The following TMEM132D variants were observed in gnomAD, a reference collection of about 807,000 sequenced individuals.
TMEM132D encodes mature OL transmembrane protein.
TMEM132D carries 21 observed loss-of-function variants against 62.3 expected under a neutral mutation model. The ratio of observed to expected loss-of-function variants is 0.34; its 90% CI spans 0.24 to 0.49. The LOEUF is 0.49. TMEM132D is among the 20% of genes least tolerant of loss of function. The pLI, the probability that TMEM132D is intolerant of heterozygous loss-of-function variation, is 0.99. For synonymous variants in TMEM132D, 621 were observed against 575.6 expected (o/e 1.08, Z -1.13); for missense variants, 1,346 against 1,402.8 (o/e 0.96, Z 0.65).
chr12:129,862,410 G>C (rs748673567), intron 1 of TMEM132D, among the ~76,000 whole-genome samples: 3 of 152,242 alleles, frequency 2.0e-5, no homozygotes, highest in Non-Finnish European at 4.4e-5. Flanking sequence ...TTTCCAGGGG[G>C]CTGTGTGTTT....
At chr12:129,791,211 C>G (rs544402272) in intron 1 of TMEM132D, among the ~76,000 whole-genome samples, 2 of 152,250 alleles carry the variant, frequency 1.3e-5, no homozygotes, top group East Asian at 3.9e-4. Flanking sequence ...ATCAGCAGGT[C>G]CTATCTCATT....
At chr12:129,850,163 C>T (rs190646279) in intron 1 of TMEM132D, among the ~76,000 whole-genome samples, 1,870 of 152,272 alleles carry the variant, frequency 0.012, 40 homozygotes, top group African/African-American at 0.042. Flanking sequence ...TGGTGGATCT[C>T]TCTCTCTCCT....
At chr12:129,260,807 C>T (rs1288836214) in intron 4 of TMEM132D, among the ~76,000 whole-genome samples, 2 of 147,840 alleles carry the variant, frequency 1.4e-5, no homozygotes, top group Non-Finnish European at 3.0e-5. Flanking sequence ...AGAATAATGG[C>T]CTCCAGCTCC....
chr12:129,501,596 C>T (rs185165846), intron 3 of TMEM132D, among the ~76,000 whole-genome samples: 1 of 151,976 alleles, frequency 6.6e-6, no homozygotes, highest in East Asian at 1.9e-4. Flanking sequence ...CCTTGACGTC[C>T]CTAACTCAAG....
chr12:129,074,114 C>A lies in TMEM132D; in HGVS notation c.3061G>T (p.Gly1021Ter), dbSNP rs2135601871. ...SINGQLFKPL[G>*]PIIIDGKDQK... ...TCTTTCCCATCAATGATGATGGGTC[C>A]CAAAGGTTTGAACAGCTGCCCATTG... Residue 1021 changes from glycine to a stop codon, truncating the protein, a stop_gained, in exon 9 of 9, where the codon GGA becomes TGA. Transcript: ENST00000422113. LOFTEE classifies it low-confidence loss of function (END_TRUNC). The A allele has an allele frequency of 6.2e-7, 1 of 1,613,980 alleles. No homozygotes were observed. The highest frequency in any genetic ancestry group is 8.5e-7 in the Non-Finnish European group (1 of 1,180,006).
At chr12:129,463,329 C>T (rs4759577) in intron 3 of TMEM132D, among the ~76,000 whole-genome samples, 115,016 of 151,804 alleles carry the variant, frequency 0.76, 43,640 homozygotes, top group Middle Eastern at 0.79. Context: ...ACAGATGTAG[C>T]AATAATCATT....
rs184540754 is a variant in TMEM132D at position 129,635,156 on chromosome 12, C to T, written c.968+64654G>A. Among the ~76,000 whole-genome samples the T allele has an allele frequency of 2.4e-3, 360 of 152,126 alleles. 1 individual carries two copies. The highest frequency in any genetic ancestry group is 4.1e-3 in the Non-Finnish European group (282 of 68,042). ...AACAGCCTCACCTTCCCTCGCTGTCCCAGCATCCACCACTTTGATGTAGTT... is the reference window on the plus strand; with the variant it reads ...AACAGCCTCACCTTCCCTCGCTGTCTCAGCATCCACCACTTTGATGTAGTT... On this transcript the variant is annotated intron_variant, in intron 2 of 8. Coordinates refer to ENST00000422113, the MANE Select transcript of TMEM132D (RefSeq NM_133448.3).
intron 1 of TMEM132D, among the ~76,000 whole-genome samples, chr12:129,843,910 A>G (rs1873277057): frequency 6.6e-6 from 1 of 151,784 alleles, no homozygotes; most frequent in Non-Finnish European, 1.5e-5. Context: ...GCAATATAGT[A>G]AGACCCTGTG....
Position 129,172,949 on chromosome 12 carries a change from G to C in TMEM132D, c.1443+36571C>G, listed in dbSNP as rs150122082. Among the ~76,000 whole-genome samples, 762 of 152,274 alleles carry C rather than the reference G, an allele frequency of 5.0e-3. 21 individuals carry two copies. Among genetic ancestry groups the C allele is most frequent in the Admixed American group, 0.038 (581 of 15,296 alleles). On this transcript the variant is annotated intron_variant, in intron 5 of 8. Coordinates refer to ENST00000422113, the MANE Select transcript of TMEM132D (RefSeq NM_133448.3). ...GAGGGAAAATGATGGGGGAATGGTG[G>C]GTTGGTGGAGCAGTCAGAAGACACA...
At chr12:129,739,723 C>T (rs1020768550) in intron 1 of TMEM132D, among the ~76,000 whole-genome samples, 1 of 152,170 alleles carries the variant, frequency 6.6e-6, no homozygotes, top group African/African-American at 2.4e-5. Context: ...ACTGGGCTTC[C>T]TCATCCTCTG....
At chr12:129,134,116 T>TGTG (rs1555231883) in intron 5 of TMEM132D, among the ~76,000 whole-genome samples, 62 of 144,476 alleles carry the variant, frequency 4.3e-4, no homozygotes, top group African/African-American at 1.6e-3. Context: ...TGTCTGTGTG[T>TGTG]TGTGTGTGTG....
chr12:129,747,480 TCA>T (rs1448625701), intron 1 of TMEM132D, among the ~76,000 whole-genome samples: 1 of 139,456 alleles, frequency 7.2e-6, no homozygotes, highest in Non-Finnish European at 1.5e-5. Flanking sequence ...ACACACACTC[TCA>T]GATACCCTCT....
chr12:129,819,636 G>C (rs1872488240), intron 1 of TMEM132D, among the ~76,000 whole-genome samples: 1 of 152,126 alleles, frequency 6.6e-6, no homozygotes, highest in African/African-American at 2.4e-5. Flanking sequence ...ATGAAACGGG[G>C]ATGAAATTAG....
chr12:129,520,347 T>C (rs999128456), intron 3 of TMEM132D, among the ~76,000 whole-genome samples: 2 of 152,190 alleles, frequency 1.3e-5, no homozygotes, highest in African/African-American at 2.4e-5. Context: ...CTCCCAACTA[T>C]CTGTTCTAAC....
At chr12:129,543,189 G>GGATGAGTT (rs1876631240) in intron 2 of TMEM132D, among the ~76,000 whole-genome samples, 2 of 131,170 alleles carry the variant, frequency 1.5e-5, no homozygotes, top group Non-Finnish European at 3.3e-5. Flanking sequence ...GTGGATGGAT[G>GGATGAGTT]GATGAGTTGA....
chr12:129,324,821 C>A (rs977804942), intron 4 of TMEM132D, among the ~76,000 whole-genome samples: 2 of 152,000 alleles, frequency 1.3e-5, no homozygotes, highest in African/African-American at 2.4e-5. Context: ...GAGCGAGACT[C>A]CATCTCAAGA....
At chr12:129,539,203 A>G (rs1876511832) in intron 2 of TMEM132D, among the ~76,000 whole-genome samples, 1 of 151,612 alleles carries the variant, frequency 6.6e-6, no homozygotes, top group African/African-American at 2.4e-5. Flanking sequence ...AATGGCATGC[A>G]ATTTAAAACT....
chr12:129,692,169 T>A (rs1881078799), intron 2 of TMEM132D, among the ~76,000 whole-genome samples: 1 of 152,026 alleles, frequency 6.6e-6, no homozygotes, highest in Non-Finnish European at 1.5e-5. Flanking sequence ...GTAATATGAG[T>A]ATTAAAATCC....
At position 129,436,405 on chromosome 12, in the gene TMEM132D, T is replaced by C. The variant is rs546728691; in HGVS notation, c.1115+94654A>G. ...ATATATATAATTATATTTTATTTTATACTCAGGAGTTTTTAAAACAGGATA... is the reference window on the plus strand; with the variant it reads ...ATATATATAATTATATTTTATTTTACACTCAGGAGTTTTTAAAACAGGATA... On this transcript the variant is annotated intron_variant, in intron 3 of 8. Coordinates refer to ENST00000422113, the MANE Select transcript of TMEM132D (RefSeq NM_133448.3). 2.0e-5 allele frequency among the ~76,000 whole-genome samples: 3 copies of C among 152,338 alleles called. No homozygotes were observed. In the South Asian group the frequency reaches 6.2e-4, roughly 32 times the overall value.
Sources: allele counts gnomAD v4.1 joint callset (sites outside exome capture counted in the v4.1 genomes callset), GRCh38; gene constraint gnomAD v4.1.1; transcripts MANE v1.5; gene names NCBI Gene and HGNC (gene_info 2026-07-23, HGNC 2026-07-21).